Variants in EPB42 observed in about 807,000 individuals in gnomAD.
The protein encoded by EPB42 is erythrocyte membrane protein band 4.2.
Under a neutral mutation model 76.9 loss-of-function variants are expected in EPB42, and 49 were observed. The observed-to-expected ratio is 0.64, with a 90% CI of 0.51 to 0.81. The LOEUF is 0.81. Ranked by LOEUF, EPB42 falls within the 30% of genes least tolerant of loss-of-function variation. The pLI is 0.00. For synonymous variants in EPB42, 310 were observed against 338.4 expected, an observed-to-expected ratio of 0.92 and a Z score of 0.92; for missense variants, 731 against 867.6, an observed-to-expected ratio of 0.84 and a Z score of 1.98.
In EPB42 at chr15:43,215,098, T is replaced by C. The variant is rs776073359; in HGVS notation, c.427A>G (p.Arg143Gly). ...GCTGGCCCAGGTCCAAACTTACCTCTATTCCAGGGGTTAAAAAGCAGTGTG... is the reference window on the plus strand; with the variant it reads ...GCTGGCCCAGGTCCAAACTTACCTCCATTCCAGGGGTTAAAAAGCAGTGTG... ...QFTLLFNPWN[R>G]EDAVFLKNEA... Residue 143 changes from arginine (R) to glycine (G), a missense_variant, in exon 3 of 13, where the codon AGA becomes GGA. By Grantham distance (125) the Arg-to-Gly change is moderately radical. Coordinates refer to ENST00000441366, the MANE Select transcript of EPB42 (RefSeq NM_001114134.2). 6.2e-7 allele frequency: 1 copy of C among 1,613,992 alleles called. No individual in the cohort carries two copies. The highest frequency in any genetic ancestry group is 8.5e-7 in the Non-Finnish European group (1 of 1,179,930).
chr15:43,202,223 G>C (rs1039225150), intron 11 of EPB42, among the ~76,000 whole-genome samples: 17 of 152,126 alleles, frequency 1.1e-4, no homozygotes, highest in African/African-American at 4.1e-4. Context: ...GTTTCCCACT[G>C]TCTTGGGAAT....
At chr15:43,199,482 C>T (rs1419720840) in intron 12 of EPB42, among the ~76,000 whole-genome samples, 1 of 152,134 alleles carries the variant, frequency 6.6e-6, no homozygotes, top group Non-Finnish European at 1.5e-5. Flanking sequence ...AATACCTGTA[C>T]CCCCACTGTA....
chr15:43,207,186 C>T lies in EPB42; in HGVS notation c.1318+13G>A, dbSNP rs755414912. 1 of 1,614,056 alleles carries T rather than the reference C, an allele frequency of 6.2e-7. No homozygotes were observed. The highest frequency in any genetic ancestry group is 1.7e-5 in the Admixed American group (1 of 60,028). ...AGGTACCGAGAAGCCTGGGGCCCTT[C>T]CCTGGCCCGTACCTTCAGGATACTT... On this transcript the variant is annotated intron_variant, in intron 9 of 12. Coordinates refer to ENST00000441366, the MANE Select transcript of EPB42 (RefSeq NM_001114134.2).
chr15:43,197,963 C>T (rs1210273660), intron 12 of EPB42, among the ~76,000 whole-genome samples: 1 of 152,182 alleles, frequency 6.6e-6, no homozygotes, highest in Non-Finnish European at 1.5e-5. Context: ...GCTTTTGCTT[C>T]TTCCTCATTT....
Position 43,208,703 on chromosome 15 carries a change from A to C in EPB42, c.905T>G (p.Leu302Arg). 2 of 1,614,118 alleles carry C rather than the reference A, an allele frequency of 1.2e-6. No individual in the cohort carries two copies. Among genetic ancestry groups the C allele is most frequent in the Non-Finnish European group, 1.7e-6 (2 of 1,180,020 alleles). ...FASAQGTGGRLLIDEYYNEEG... is the reference protein window; with the variant it reads ...FASAQGTGGRRLIDEYYNEEG... Reference sequence around the variant, plus strand: ...CTCATTATAGTATTCATCTATGAGAAGACGCCCACCGGTGCCCTGTGCTGA... The same window carrying C: ...CTCATTATAGTATTCATCTATGAGACGACGCCCACCGGTGCCCTGTGCTGA... Residue 302 changes from leucine to arginine, a missense_variant, in exon 7 of 13, where the codon CTT (leucine) becomes CGT (arginine). Transcript: ENST00000441366.
chr15:43,217,066 TAATC>T (rs1268561193), intron 1 of EPB42, among the ~76,000 whole-genome samples: 1 of 152,192 alleles, frequency 6.6e-6, no homozygotes, highest in Non-Finnish European at 1.5e-5. Flanking sequence ...AACAGTCTGT[TAATC>T]AATTCTCATT....
At chr15:43,202,579 C>A (rs1393763522) in intron 11 of EPB42, among the ~76,000 whole-genome samples, 2 of 152,168 alleles carry the variant, frequency 1.3e-5, no homozygotes, top group Non-Finnish European at 2.9e-5. Flanking sequence ...TCTGGAAGAC[C>A]AAATGTTGTG....
At chr15:43,200,177 C>T (rs1397770770) in intron 12 of EPB42, among the ~76,000 whole-genome samples, 3 of 152,160 alleles carry the variant, frequency 2.0e-5, no homozygotes, top group Non-Finnish European at 2.9e-5. Flanking sequence ...TGGTGACAGA[C>T]TTCCTTTGGG....
Position 43,207,393 on chromosome 15 carries a change from G to A in EPB42, c.1124C>T (p.Thr375Met), listed in dbSNP as rs115972761. ...LVPVRAVKEGTLGLTPAVSDL... is the reference protein window; with the variant it reads ...LVPVRAVKEGMLGLTPAVSDL... ...TGACACTGCTGGGGTCAGCCCCAGC[G>A]TCCCCTCCTTGACTGCTCTGACCGG... Residue 375 changes from threonine to methionine, a missense_variant, in exon 9 of 13, where the codon ACG (threonine) becomes ATG (methionine). Physicochemically the swap from Thr to Met is moderately conservative, Grantham distance 81. Transcript: ENST00000441366. The A allele has an allele frequency of 9.6e-5, 155 of 1,614,144 alleles. 1 individual carries two copies. The highest frequency in any genetic ancestry group is 5.2e-4 in the South Asian group (47 of 91,086).
intron 1 of EPB42, 100 bp from the exon 2 acceptor site, chr15:43,216,553 G>A (rs957348545): frequency 2.2e-5 from 30 of 1,337,660 alleles, no homozygotes; most frequent in African/African-American, 8.6e-5. Flanking sequence ...TCTAATCCTC[G>A]GCTCCACTTA....
In EPB42 at chr15:43,208,693, A is replaced by G. The variant is rs542002654; in HGVS notation, c.915T>C (p.Asp305=). Residue 305 remains aspartate (D), a synonymous_variant, in exon 7 of 13, where the codon GAT becomes GAC. Coordinates refer to ENST00000441366, the MANE Select transcript of EPB42 (RefSeq NM_001114134.2). The stretch of plus-strand genomic sequence containing the variant: ...GAAGTCCCTCCTCATTATAGTATTC[A>G]TCTATGAGAAGACGCCCACCGGTGC... ...AQGTGGRLLI[D]EYYNEEGLQN... is the part of the protein sequence containing the mutation. 11 of 1,613,792 alleles carry G rather than the reference A, an allele frequency of 6.8e-6. No individual in the cohort carries two copies. Among genetic ancestry groups the G allele is most frequent in the Non-Finnish European group, 9.3e-6 (11 of 1,179,982 alleles).
upstream of EPB42, chr15:43,221,215 G>C (rs1370603006): frequency 6.1e-6 from 2 of 325,654 alleles, no homozygotes; most frequent in Non-Finnish European, 1.2e-5. Context: ...GAGACTCTCA[G>C]AGATGTTATC....
In EPB42 at chr15:43,207,439, G is replaced by A. The variant is rs1188994321; in HGVS notation, c.1078C>T (p.Leu360=). The change falls in exon 9 of 13, where the codon CTG becomes TTG. Residue 360 remains leucine, a splice_region_variant and synonymous_variant. Transcript: ENST00000441366. ...ACCGGCACCAGATCACAGGACCCCA[G>A]GACTGAGGGAGAGAAAGGTTGGTGA... ...HPSAPNGGGV[L]GSCDLVPVRA... is the part of the protein sequence containing the mutation. 6.2e-7 allele frequency: 1 copy of A among 1,613,700 alleles called. No homozygotes were observed. The highest frequency in any genetic ancestry group is 1.1e-5 in the South Asian group (1 of 91,062).
chr15:43,203,631 C>T (rs541381941), intron 10 of EPB42, among the ~76,000 whole-genome samples: 6 of 152,270 alleles, frequency 3.9e-5, no homozygotes, highest in East Asian at 3.9e-4. Context: ...GACAGGGTCT[C>T]GCTTTGTCAC....
chr15:43,206,821 C>G lies in EPB42; in HGVS notation c.1319-192G>C, dbSNP rs866608786. ...CAGCTCCACCACCGATACAGTGTGT[C>G]TCTTCCAAACCACTCAAGGACCAAG... is the stretch of plus-strand genomic sequence containing the variant. On this transcript the variant is annotated intron_variant, in intron 9 of 12. Coordinates refer to ENST00000441366, the MANE Select transcript of EPB42 (RefSeq NM_001114134.2). This position sits in a 1 kb window ranked among gnomAD's most constrained non-coding sequence, Gnocchi z 4.7. Among the ~76,000 whole-genome samples, 31 of 152,264 alleles carry G rather than the reference C, an allele frequency of 2.0e-4. No individual in the cohort carries two copies. The highest frequency in any genetic ancestry group is 3.9e-4 in the Admixed American group (6 of 15,296).
Position 43,204,974 on chromosome 15 carries a change from C to CCCA in EPB42, c.1618+1355_1618+1356insTGG, listed in dbSNP as rs71111806. Among the ~76,000 whole-genome samples the CCCA allele has an allele frequency of 3.0e-3, 429 of 145,244 alleles. 9 individuals are homozygous for CCCA. The highest frequency in any genetic ancestry group is 0.011 in the African/African-American group (406 of 38,138). On this transcript the variant is annotated intron_variant, in intron 10 of 12. Transcript: ENST00000441366. ...AAGGCTGCCCCCTCCGCCCCCCCCC[C>CCCA]AAAAAAAAGTTCCCAAGATGACTCA...
Position 43,197,453 on chromosome 15 carries a change from A to G in EPB42, c.1925T>C (p.Val642Ala). Residue 642 changes from valine to alanine, a missense_variant, in exon 13 of 13, where the codon GTG becomes GCG. Coordinates refer to ENST00000441366, the MANE Select transcript of EPB42 (RefSeq NM_001114134.2). ...GGCACACATGGTGTTTTCAGGCCAC[A>G]CTGAACGGAATCTGAAATAAAGGAA... is the stretch of plus-strand genomic sequence containing the variant. Reference protein sequence around the residue: ...HRERSYRFRSVWPENTMCAKF... With the variant: ...HRERSYRFRSAWPENTMCAKF... 6.2e-7 allele frequency: 1 copy of G among 1,614,190 alleles called. No homozygotes were observed. Among genetic ancestry groups the G allele is most frequent in the Non-Finnish European group, 8.5e-7 (1 of 1,180,042 alleles).
At chr15:43,200,243 A>C (rs567283888) in intron 12 of EPB42, among the ~76,000 whole-genome samples, 32 of 152,334 alleles carry the variant, frequency 2.1e-4, no homozygotes, top group Middle Eastern at 3.4e-3. Context: ...AAATGTTGAC[A>C]GTCCCTTCTC....
At chr15:43,212,246 G>GT in intron 3 of EPB42, among the ~76,000 whole-genome samples, 1 of 152,032 alleles carries the variant, frequency 6.6e-6, no homozygotes, top group East Asian at 1.9e-4. Context: ...GCACGTGCTT[G>GT]TAGTTCCAGC....
Sources: allele counts gnomAD v4.1 joint callset (sites outside exome capture counted in the v4.1 genomes callset), GRCh38; gene constraint gnomAD v4.1.1; non-coding constraint Gnocchi (gnomAD v3.1); transcripts MANE v1.5; gene names NCBI Gene and HGNC (gene_info 2026-07-23, HGNC 2026-07-21).